Variants in KDM2B observed in about 807,000 individuals in gnomAD.
KDM2B encodes lysine demethylase 2B, also known as lysine-specific demethylase 2B.
KDM2B carries 26 observed loss-of-function variants against 150.0 expected under a neutral mutation model. That is an observed-to-expected ratio of 0.17 (90% CI 0.13 to 0.24). The LOEUF is 0.24. Ranked by LOEUF, KDM2B falls within the 10% of genes least tolerant of loss-of-function variation. The pLI is 1.00. For synonymous variants in KDM2B, 734 were observed against 729.5 expected (o/e 1.01, Z -0.10); for missense variants, 1,265 against 1,816.9 (o/e 0.70, Z 5.52).
intron 2 of KDM2B, among the ~76,000 whole-genome samples, chr12:121,576,513 C>T (rs1355022562): frequency 3.9e-5 from 6 of 152,076 alleles, no homozygotes; most frequent in South Asian, 2.1e-4. Flanking sequence ...GCTGGATAAC[C>T]GGGAGGGAGG....
At chr12:121,530,612 T>C (rs1295996172) in intron 8 of KDM2B, among the ~76,000 whole-genome samples, 1 of 122,342 alleles carries the variant, frequency 8.2e-6, no homozygotes, top group Non-Finnish European at 1.6e-5. Flanking sequence ...GGGGAAAAAA[T>C]CCTGGTATCT....
At chr12:121,509,116 T>C (rs1885352905) in intron 11 of KDM2B, among the ~76,000 whole-genome samples, 1 of 152,146 alleles carries the variant, frequency 6.6e-6, no homozygotes, top group Non-Finnish European at 1.5e-5. Flanking sequence ...TGGAGTGCAG[T>C]GGTGCGATCT....
chr12:121,566,005 T>C (rs1466006742), intron 4 of KDM2B, among the ~76,000 whole-genome samples: 2 of 151,930 alleles, frequency 1.3e-5, no homozygotes, highest in African/African-American at 4.8e-5. Context: ...AGGGGAGACC[T>C]TGACCTCATC....
the KDM2B span, among the ~76,000 whole-genome samples, chr12:121,421,371 T>TAAAAAAAA: frequency 8.6e-5 from 4 of 46,362 alleles, no homozygotes; most frequent in Admixed American, 3.3e-4. Flanking sequence ...ATCCCATCTC[T>TAAAAAAAA]AAAAAAAAAA....
chr12:121,444,704 G>A (rs868918759), intron 14 of KDM2B, 168 bp from the exon 15 acceptor site: 59 of 644,904 alleles, frequency 9.1e-5, no homozygotes, highest in Admixed American at 2.1e-4. Flanking sequence ...TGGCAGAGAC[G>A]GGCAGCTGTG....
intron 10 of KDM2B, among the ~76,000 whole-genome samples, chr12:121,511,789 A>G (rs1885614899): frequency 6.6e-6 from 1 of 152,258 alleles, no homozygotes; most frequent in East Asian, 1.9e-4. Context: ...GGCAAAGGAA[A>G]CACCCTCAGA....
At chr12:121,553,592 G>A (rs1415139676) in intron 4 of KDM2B, among the ~76,000 whole-genome samples, 1 of 152,160 alleles carries the variant, frequency 6.6e-6, no homozygotes, top group South Asian at 2.1e-4. Context: ...CCCAGGAGCT[G>A]TCCTGAGACA....
chr12:121,515,584 T>C (rs1160891856), intron 9 of KDM2B, among the ~76,000 whole-genome samples: 2 of 140,296 alleles, frequency 1.4e-5, no homozygotes. Flanking sequence ...ACAGGTGACA[T>C]TCCCCATCTG....
At chr12:121,560,089 C>T (rs1304696599) in intron 4 of KDM2B, among the ~76,000 whole-genome samples, 3 of 152,108 alleles carry the variant, frequency 2.0e-5, no homozygotes, top group African/African-American at 7.2e-5. Flanking sequence ...CCTGCAGCCT[C>T]GACCTGTTGG....
At chr12:121,493,029 G>A (rs1883523492) in intron 12 of KDM2B, among the ~76,000 whole-genome samples, 1 of 148,602 alleles carries the variant, frequency 6.7e-6, no homozygotes, top group Admixed American at 6.7e-5. Flanking sequence ...CCAAATAGCT[G>A]GGACTACAGG....
intron 6 of KDM2B, among the ~76,000 whole-genome samples, chr12:121,539,708 C>T (rs968571498): frequency 6.6e-6 from 1 of 151,986 alleles, no homozygotes; most frequent in African/African-American, 2.4e-5. Flanking sequence ...TATCCACAAG[C>T]CTCATCAGCC....
chr12:121,501,911 G>A (rs782104579), intron 11 of KDM2B, among the ~76,000 whole-genome samples: 8 of 152,132 alleles, frequency 5.3e-5, no homozygotes, highest in Middle Eastern at 3.2e-3. Context: ...GTGAGCCACC[G>A]TGCCTAGCCG....
At chr12:121,547,918 G>A (rs1460332841) in intron 6 of KDM2B, among the ~76,000 whole-genome samples, 2 of 152,064 alleles carry the variant, frequency 1.3e-5, no homozygotes, top group Non-Finnish European at 2.9e-5. Context: ...TGGGATTACA[G>A]GTGTGAGCCA....
chr12:121,481,657 G>T (rs1882153718), intron 12 of KDM2B, among the ~76,000 whole-genome samples: 1 of 152,000 alleles, frequency 6.6e-6, no homozygotes, highest in East Asian at 1.9e-4. Context: ...TAAAACCATG[G>T]TAATGCCAAG....
In KDM2B at chr12:121,520,450, C is replaced by A. The variant is rs1886590094; in HGVS notation, c.1047+535G>T. Among the ~76,000 whole-genome samples the A allele has an allele frequency of 6.6e-6, 1 of 152,134 alleles. No individual in the cohort carries two copies. Among genetic ancestry groups the A allele is most frequent in the African/African-American group, 2.4e-5 (1 of 41,418 alleles). On this transcript the variant is annotated intron_variant, in intron 9 of 22. Coordinates refer to ENST00000377071, the MANE Select transcript of KDM2B (RefSeq NM_032590.5). The surrounding 1 kb of genome is among the most constrained non-coding windows in gnomAD (Gnocchi z 4.5). Reference sequence around the variant, plus strand: ...AGAGAAAAGCCTCGGCCCCAGGAAACTAGAGACGTCCTCAGCAGACATGGA... The same window carrying A: ...AGAGAAAAGCCTCGGCCCCAGGAAAATAGAGACGTCCTCAGCAGACATGGA...
At chr12:121,505,669 G>C (rs1371502558) in intron 11 of KDM2B, among the ~76,000 whole-genome samples, 1 of 152,122 alleles carries the variant, frequency 6.6e-6, no homozygotes, top group African/African-American at 2.4e-5. Context: ...TAGTTACCCT[G>C]AGCCACCACA....
intron 6 of KDM2B, among the ~76,000 whole-genome samples, chr12:121,546,005 C>T (rs1889008377): frequency 6.6e-6 from 1 of 152,322 alleles, no homozygotes; most frequent in South Asian, 2.1e-4. Context: ...CCTTCCCCGA[C>T]CACCTTGACT....
chr12:121,440,028 G>A lies in KDM2B; in HGVS notation c.3658C>T (p.Leu1220=). The A allele has an allele frequency of 6.2e-7, 1 of 1,613,610 alleles. No individual in the cohort carries two copies. The highest frequency in any genetic ancestry group is 8.5e-7 in the Non-Finnish European group (1 of 1,179,876). Reference sequence around the variant, plus strand: ...GCATCTGTGATGTCCAGGCCTGCCAGGCGCAGCTCCACGATGTTCCGGAGC... The same window carrying A: ...GCATCTGTGATGTCCAGGCCTGCCAAGCGCAGCTCCACGATGTTCCGGAGC... ...SKLRNIVELR[L]AGLDITDASL... is the part of the protein sequence containing the mutation. Residue 1220 remains leucine, a synonymous_variant, in exon 22 of 23, where the codon CTG becomes TTG. Coordinates refer to ENST00000377071, the MANE Select transcript of KDM2B (RefSeq NM_032590.5).
intron 12 of KDM2B, among the ~76,000 whole-genome samples, chr12:121,487,595 G>A (rs963051257): frequency 7.2e-5 from 11 of 152,166 alleles, no homozygotes; most frequent in East Asian, 3.9e-4. Flanking sequence ...CACCAGACCC[G>A]TCGTGCCCTC....
Sources: gnomAD v4.1 joint callset for allele counts (sites outside exome capture counted in the v4.1 genomes callset) on GRCh38, gnomAD v4.1.1 for gene constraint, Gnocchi (gnomAD v3.1) non-coding constraint, MANE v1.5 for transcripts, NCBI Gene and HGNC (gene_info 2026-07-23, HGNC 2026-07-21) for gene names.